TSHZ2: variants seen among roughly 807,000 people sequenced by gnomAD.
TSHZ2 encodes teashirt zinc finger homeobox 2, also known as teashirt homolog 2.
TSHZ2 carries 21 observed loss-of-function variants against 74.4 expected under a neutral mutation model. The ratio of observed to expected loss-of-function variants is 0.28; its 90% CI spans 0.20 to 0.41. The LOEUF is 0.41. Among genes scored for constraint, TSHZ2 ranks in the 10% least tolerant of loss-of-function variants. The probability of loss-of-function intolerance (pLI) is 1.00; values close to 1 mark genes in which losing one functional copy is unlikely to be tolerated. For missense variants in TSHZ2, 1,244 were observed against 1,293.5 expected (o/e 0.96, Z 0.59); for synonymous variants, 540 against 515.3 (o/e 1.05, Z -0.65).
chr20:53,170,348 G>A (rs1374237885), intron 1 of TSHZ2, among the ~76,000 whole-genome samples: 1 of 152,108 alleles, frequency 6.6e-6, no homozygotes, highest in East Asian at 1.9e-4. Flanking sequence ...AAAGAGTTTT[G>A]TTCATTTTCT....
chr20:52,982,919 T>C (rs1256683238), intron 1 of TSHZ2, among the ~76,000 whole-genome samples: 1 of 152,134 alleles, frequency 6.6e-6, no homozygotes, highest in Admixed American at 6.5e-5. Context: ...GGAGGTGATG[T>C]GATCTGATTG....
intron 2 of TSHZ2, among the ~76,000 whole-genome samples, chr20:53,450,974 G>GA (rs986341426): frequency 3.7e-4 from 54 of 146,558 alleles, no homozygotes; most frequent in East Asian, 1.6e-3. Context: ...AGCCCAGAGG[G>GA]AAAAAAAAAA....
chr20:53,073,152 C>T (rs1371978027), intron 1 of TSHZ2, among the ~76,000 whole-genome samples: 1 of 150,270 alleles, frequency 6.7e-6, no homozygotes, highest in Non-Finnish European at 1.5e-5. Flanking sequence ...ATCCATTCAT[C>T]CATCCCTCCA....
intron 2 of TSHZ2, among the ~76,000 whole-genome samples, chr20:53,407,542 G>A (rs1341835814): frequency 6.6e-6 from 1 of 152,210 alleles, no homozygotes; most frequent in Non-Finnish European, 1.5e-5. Context: ...TGGAAATGAA[G>A]AGGATCAGAA....
At chr20:53,269,499 G>A (rs1363640061) in intron 2 of TSHZ2, among the ~76,000 whole-genome samples, 1 of 152,180 alleles carries the variant, frequency 6.6e-6, no homozygotes, top group Non-Finnish European at 1.5e-5. Flanking sequence ...TTTGCTGGTG[G>A]CTAAGCCATG....
chr20:53,256,142 C>T lies in TSHZ2; in HGVS notation c.2684C>T (p.Thr895Ile). Residue 895 changes from threonine (T) to isoleucine (I), a missense_variant, in exon 2 of 3, where the codon ACT (threonine) becomes ATT (isoleucine). This residue lies in a region of TSHZ2 where 185 missense variants were observed against 213.3 expected (regional missense o/e 0.87). Coordinates refer to ENST00000371497, the MANE Select transcript of TSHZ2 (RefSeq NM_173485.6). This position sits in a 1 kb window ranked among gnomAD's most constrained non-coding sequence, Gnocchi z 4.3. ...AAGTTTACGGGACTCTCAATGACCA[C>T]TATCAGTCACTGGCTGGCCAACGTC... ...ISKFTGLSMT[T>I]ISHWLANVKY... 6 of 1,613,772 alleles carry T rather than the reference C, an allele frequency of 3.7e-6. No homozygotes were observed. The highest frequency in any genetic ancestry group is 5.1e-6 in the Non-Finnish European group (6 of 1,179,734).
intron 1 of TSHZ2, among the ~76,000 whole-genome samples, chr20:53,064,382 C>T (rs1303358344): frequency 6.6e-6 from 1 of 152,190 alleles, no homozygotes; most frequent in Non-Finnish European, 1.5e-5. Flanking sequence ...AAGTCATGTA[C>T]AGTCAGAATT....
chr20:52,994,577 A>T (rs1286709584), intron 1 of TSHZ2, among the ~76,000 whole-genome samples: 2 of 152,196 alleles, frequency 1.3e-5, no homozygotes, highest in African/African-American at 4.8e-5. Flanking sequence ...GGATTTTATC[A>T]CAGGTGGGCC....
intron 2 of TSHZ2, among the ~76,000 whole-genome samples, chr20:53,378,058 A>C (rs572804914): frequency 1.3e-5 from 2 of 152,196 alleles, no homozygotes; most frequent in African/African-American, 4.8e-5. Flanking sequence ...AATAGAACCT[A>C]GGCCAGGCAC....
At chr20:53,045,150 T>A (rs937646820) in intron 1 of TSHZ2, among the ~76,000 whole-genome samples, 2 of 152,220 alleles carry the variant, frequency 1.3e-5, no homozygotes, top group Admixed American at 1.3e-4. Flanking sequence ...TGAGGGCTTC[T>A]TCTGGGACTC....
intron 1 of TSHZ2, among the ~76,000 whole-genome samples, chr20:53,156,144 T>G (rs1225298278): frequency 6.6e-6 from 1 of 152,200 alleles, no homozygotes; most frequent in East Asian, 1.9e-4. Flanking sequence ...ACGTATCCTT[T>G]ACCATTTTTA....
chr20:53,239,832 A>T (rs951250808), intron 1 of TSHZ2, among the ~76,000 whole-genome samples: 6 of 152,214 alleles, frequency 3.9e-5, no homozygotes, highest in African/African-American at 1.2e-4. Context: ...AACATGAAAA[A>T]TATCAGGGCA....
chr20:53,129,675 A>G (rs774544851), intron 1 of TSHZ2, among the ~76,000 whole-genome samples: 1 of 152,148 alleles, frequency 6.6e-6, no homozygotes, highest in Non-Finnish European at 1.5e-5. Flanking sequence ...CACCAGGAAA[A>G]TATGCACACA....
intron 2 of TSHZ2, among the ~76,000 whole-genome samples, chr20:53,275,589 C>T (rs1990927852): frequency 6.6e-6 from 1 of 152,114 alleles, no homozygotes; most frequent in Admixed American, 6.5e-5. Context: ...CTTAGTGGAC[C>T]TGGGTGGAAG....
intron 2 of TSHZ2, among the ~76,000 whole-genome samples, chr20:53,326,599 G>T (rs1979504070): frequency 1.3e-5 from 2 of 152,138 alleles, no homozygotes; most frequent in South Asian, 2.1e-4. Flanking sequence ...TCCCAATAAG[G>T]CTTTGCCTCC....
At chr20:53,466,817 C>T (rs977841608) in intron 2 of TSHZ2, among the ~76,000 whole-genome samples, 1 of 152,122 alleles carries the variant, frequency 6.6e-6, no homozygotes, top group African/African-American at 2.4e-5. Flanking sequence ...TTTAATTTAT[C>T]TTTTGAAAGG....
In TSHZ2 at chr20:53,063,356, T is replaced by C. The variant is rs551116620; in HGVS notation, c.40+90023T>C. On this transcript the variant is annotated intron_variant, in intron 1 of 2. Transcript: ENST00000371497. Reference sequence around the variant, plus strand: ...AGTACTGTAAAATACTCTAAAATTCTACTTTGCCTATATATTACATATGCA... The same window carrying C: ...AGTACTGTAAAATACTCTAAAATTCCACTTTGCCTATATATTACATATGCA... Among the ~76,000 whole-genome samples, 24 of 152,372 alleles carry C rather than the reference T, an allele frequency of 1.6e-4. No individual in the cohort carries two copies. In the East Asian group the frequency reaches 4.6e-3, roughly 29 times the overall value.
chr20:53,272,696 C>T (rs1006691847), intron 2 of TSHZ2, among the ~76,000 whole-genome samples: 1 of 152,154 alleles, frequency 6.6e-6, no homozygotes, highest in Non-Finnish European at 1.5e-5. Flanking sequence ...ATGTAAGAAA[C>T]ATTTCCAGCC....
intron 1 of TSHZ2, among the ~76,000 whole-genome samples, chr20:53,241,735 T>C (rs1016134897): frequency 4.6e-5 from 7 of 152,140 alleles, no homozygotes; most frequent in African/African-American, 7.2e-5. Context: ...CACTTAATTT[T>C]CAAAATGATC....
Sources: allele counts gnomAD v4.1 joint callset (sites outside exome capture counted in the v4.1 genomes callset), GRCh38; gene constraint gnomAD v4.1.1; regional missense constraint gnomAD v4.1.1; non-coding constraint Gnocchi (gnomAD v3.1); transcripts MANE v1.5; gene names NCBI Gene and HGNC (gene_info 2026-07-23, HGNC 2026-07-21).